NLRP11: variants seen among roughly 807,000 people sequenced by gnomAD.
NLRP11 encodes NACHT, LRR and PYD domains-containing protein 11.
Under a neutral mutation model 79.3 loss-of-function variants are expected in NLRP11, and 53 were observed. The observed-to-expected ratio is 0.67, with a 90% CI of 0.54 to 0.84. The LOEUF is 0.84. Among genes scored for constraint, NLRP11 ranks in the 40% least tolerant of loss-of-function variants. The pLI is 0.00. For missense variants in NLRP11, 1,264 were observed against 1,255.0 expected, an observed-to-expected ratio of 1.01 and a Z score of -0.11; for synonymous variants, 518 against 462.6, an observed-to-expected ratio of 1.12 and a Z score of -1.54.
At chr19:55,797,084 C>T (rs1359000782) in intron 5 of NLRP11, among the ~76,000 whole-genome samples, 2 of 152,144 alleles carry the variant, frequency 1.3e-5, no homozygotes, top group African/African-American at 2.4e-5. Context: ...TGTCTAGTAC[C>T]CTTATCTCTA....
intron 1 of NLRP11, 44 bp from the exon 2 acceptor site, chr19:55,818,280 G>A (rs2122871775): frequency 2.4e-6 from 2 of 849,482 alleles, no homozygotes; most frequent in South Asian, 3.5e-5. Context: ...ACACAGTAAT[G>A]CCAATTCATC....
intron 2 of NLRP11, among the ~76,000 whole-genome samples, chr19:55,811,527 T>TC (rs150108517): frequency 0.016 from 2,352 of 151,644 alleles, 45 homozygotes; most frequent in East Asian, 0.073. Flanking sequence ...GCACACTGGC[T>TC]CCCCCCCAGT....
At chr19:55,822,924 G>T (rs1443929408) in intron 1 of NLRP11, among the ~76,000 whole-genome samples, 5 of 152,184 alleles carry the variant, frequency 3.3e-5, no homozygotes, top group Non-Finnish European at 7.3e-5. Context: ...GCTCAAGGAG[G>T]CCTGCCTGCC....
chr19:55,796,167 G>T (rs1389192385), exon 6 of NLRP11: 1 of 1,613,890 alleles, frequency 6.2e-7, no homozygotes, highest in African/African-American at 1.3e-5. Flanking sequence ...GCTGGATAAG[G>T]TCAGTTTTCT....
upstream of NLRP11, among the ~76,000 whole-genome samples, chr19:55,835,935 C>T (rs1983223174): frequency 6.6e-6 from 1 of 152,226 alleles, no homozygotes; most frequent in African/African-American, 2.4e-5. Flanking sequence ...ACCAGCCTGG[C>T]CAACATGGCG....
At chr19:55,806,193 T>C (rs766888888) in intron 4 of NLRP11, among the ~76,000 whole-genome samples, 2 of 152,248 alleles carry the variant, frequency 1.3e-5, no homozygotes, top group Non-Finnish European at 2.9e-5. Context: ...AACATTCCTA[T>C]CCTTGGTGAA....
chr19:55,811,254 T>C (rs1980574197), intron 2 of NLRP11, among the ~76,000 whole-genome samples: 1 of 152,222 alleles, frequency 6.6e-6, no homozygotes, highest in Non-Finnish European at 1.5e-5. Flanking sequence ...GCACTCCCAC[T>C]GCAAAAACAA....
chr19:55,791,098 T>A (rs1044287541), intron 7 of NLRP11, among the ~76,000 whole-genome samples: 1 of 152,236 alleles, frequency 6.6e-6, no homozygotes, highest in African/African-American at 2.4e-5. Context: ...CACACCCATT[T>A]GACATTTTTC....
At chr19:55,793,900 A>G (rs1340631542) in intron 6 of NLRP11, among the ~76,000 whole-genome samples, 1 of 152,246 alleles carries the variant, frequency 6.6e-6, no homozygotes, top group Non-Finnish European at 1.5e-5. Context: ...GTCCTCGTAG[A>G]AACCAGCACT....
chr19:55,797,869 G>A (rs1169746762), intron 5 of NLRP11, among the ~76,000 whole-genome samples: 1 of 152,208 alleles, frequency 6.6e-6, no homozygotes, highest in Non-Finnish European at 1.5e-5. Context: ...AGAGTCAGAA[G>A]CAGGAGCAGG....
intron 1 of NLRP11, among the ~76,000 whole-genome samples, chr19:55,823,362 T>G (rs1237563491): frequency 7.4e-6 from 1 of 136,002 alleles, no homozygotes; most frequent in Non-Finnish European, 1.5e-5. Context: ...GTGTCTCTCC[T>G]CCTCCAAAGG....
chr19:55,836,417 C>T (rs1200336611), upstream of NLRP11: 4 of 152,174 alleles, frequency 2.6e-5, no homozygotes, highest in African/African-American at 7.2e-5. Flanking sequence ...GTGGGCGTTT[C>T]GCTTCACATA....
chr19:55,796,152 G>A (rs779188082), exon 6 of NLRP11: 10 of 1,614,040 alleles, frequency 6.2e-6, no homozygotes, highest in South Asian at 4.4e-5. Context: ...GCTCCTCAGC[G>A]GATTGCTGGA....
intron 6 of NLRP11, among the ~76,000 whole-genome samples, chr19:55,793,159 C>T (rs1009400226): frequency 8.5e-5 from 13 of 152,186 alleles, no homozygotes; most frequent in African/African-American, 2.9e-4. Flanking sequence ...GAATTATAGG[C>T]GTGAGCCACC....
chr19:55,796,305 T>A, intron 5 of NLRP11, 55 bp from the exon 6 acceptor site: 3 of 1,355,828 alleles, frequency 2.2e-6, no homozygotes, highest in Non-Finnish European at 3.0e-6. Context: ...CTATCCCCTC[T>A]TTTAAATTAA....
At chr19:55,787,444 C>G (rs1989947051) in intron 9 of NLRP11, among the ~76,000 whole-genome samples, 2 of 152,174 alleles carry the variant, frequency 1.3e-5, no homozygotes, top group Admixed American at 6.5e-5. Flanking sequence ...TCAAGTGATT[C>G]TCGTGCCTCA....
In NLRP11 at chr19:55,809,614, G is replaced by A. The variant is rs758199850; in HGVS notation, c.996C>T (p.Leu332=). 1.2e-6 allele frequency: 2 copies of A among 1,614,192 alleles called. No individual in the cohort carries two copies. Among genetic ancestry groups the A allele is most frequent in the South Asian group, 1.1e-5 (1 of 91,074 alleles). ...AGATGGCGACTCGGCACAGACCCAC[G>A]AGTATTTCATCCTCATGTACAAGCT... The change falls in exon 3 of 10, where the codon CTC becomes CTT. Residue 332 remains leucine, a synonymous_variant. Coordinates refer to ENST00000589093, the Ensembl canonical transcript of NLRP11. This position sits in a 1 kb window ranked among gnomAD's most constrained non-coding sequence, Gnocchi z 4.5.
exon 6 of NLRP11, chr19:55,796,136 C>T (rs1244794950): frequency 1.2e-6 from 2 of 1,614,128 alleles, no homozygotes; most frequent in Admixed American, 1.7e-5. Context: ...GTATGTTCAT[C>T]CCGTCGCTCC....
chr19:55,785,866 G>A, exon 10 of NLRP11: 1 of 1,612,000 alleles, frequency 6.2e-7, no homozygotes, highest in Non-Finnish European at 8.5e-7. Context: ...GCCAGTTAAT[G>A]GAAGCCTGAA....
Sources: gnomAD v4.1 joint callset for allele counts (sites outside exome capture counted in the v4.1 genomes callset) on GRCh38, gnomAD v4.1.1 for gene constraint, Gnocchi (gnomAD v3.1) non-coding constraint, MANE v1.5 for transcripts, NCBI Gene and HGNC (gene_info 2026-07-23, HGNC 2026-07-21) for gene names.